The following CPEB3 variants were observed in gnomAD, a reference collection of about 807,000 sequenced individuals.
CPEB3 encodes the protein cytoplasmic polyadenylation element-binding protein 3.
Under a neutral mutation model 67.2 loss-of-function variants are expected in CPEB3, and 20 were observed. The ratio of observed to expected loss-of-function variants is 0.30; its 90% CI spans 0.21 to 0.43. CPEB3 has a LOEUF of 0.43. Among genes scored for constraint, CPEB3 ranks in the 20% least tolerant of loss-of-function variants. The pLI, the probability that CPEB3 is intolerant of heterozygous loss-of-function variation, is 1.00. For synonymous variants in CPEB3, 376 were observed against 393.1 expected, an observed-to-expected ratio of 0.96 and a Z score of 0.51; for missense variants, 746 against 968.6, an observed-to-expected ratio of 0.77 and a Z score of 3.05.
At position 92,052,088 on chromosome 10, in the gene CPEB3, ATTC is replaced by A. The variant is rs1291679335; in HGVS notation, c.*121_*123del. 11 of 622,098 alleles carry A rather than the reference ATTC, an allele frequency of 1.8e-5. No individual in the cohort carries two copies. The highest frequency in any genetic ancestry group is 3.1e-5 in the Non-Finnish European group (11 of 350,646). 38.5% of individuals were successfully genotyped at this position (622,098 alleles called of 1,614,324 possible). Reference sequence around the variant, plus strand: ...ATAATAATAATAATAAAAAGACCCAATTCTTCTTTAAAAATCGAGAACGAATGC... The same window carrying A: ...ATAATAATAATAATAAAAAGACCCAATTCTTTAAAAATCGAGAACGAATGC... On this transcript the variant is annotated 3_prime_UTR_variant, in exon 10 of 10. Transcript: ENST00000265997.
intron 9 of CPEB3, among the ~76,000 whole-genome samples, chr10:92,055,514 C>G (rs935673750): frequency 6.6e-6 from 1 of 152,088 alleles, no homozygotes; most frequent in African/African-American, 2.4e-5. Flanking sequence ...GGAGACATTA[C>G]GAACATTCTT....
At chr10:92,212,258 C>A (rs1225931170) in intron 2 of CPEB3, among the ~76,000 whole-genome samples, 2 of 146,882 alleles carry the variant, frequency 1.4e-5, no homozygotes, top group East Asian at 4.0e-4. Flanking sequence ...GTTGCCCAGG[C>A]AACAAGACAG....
intron 2 of CPEB3, among the ~76,000 whole-genome samples, chr10:92,211,928 G>A (rs1434621007): frequency 6.6e-6 from 1 of 150,506 alleles, no homozygotes; most frequent in African/African-American, 2.5e-5. Context: ...GTGCAGTGGT[G>A]CCATCTCGAC....
Position 92,239,529 on chromosome 10 carries a change from C to T in CPEB3, c.822G>A (p.Val274=). 1 of 1,562,724 alleles carries T rather than the reference C, an allele frequency of 6.4e-7. No homozygotes were observed. The highest frequency in any genetic ancestry group is 1.3e-5 in the African/African-American group (1 of 74,146). The change falls in exon 2 of 10, where the codon GTG becomes GTA. Residue 274 remains valine, a synonymous_variant. Coordinates refer to ENST00000265997, the MANE Select transcript of CPEB3 (RefSeq NM_014912.5). This position sits in a 1 kb window ranked among gnomAD's most constrained non-coding sequence, Gnocchi z 6.0. ...AGRDPRRAVG[V]GVGVGVGVPS... ...GCACCCCGACACCCACACCCACGCCCACACCGACCGCCCGGCGAGGGTCCC... is the reference window on the plus strand; with the variant it reads ...GCACCCCGACACCCACACCCACGCCTACACCGACCGCCCGGCGAGGGTCCC...
Position 92,159,667 on chromosome 10 carries a change from G to A in CPEB3, c.1223-14582C>T, listed in dbSNP as rs529483403. Among the ~76,000 whole-genome samples, 37 of 151,848 alleles carry A rather than the reference G, an allele frequency of 2.4e-4. No individual in the cohort carries two copies. In the South Asian group the frequency reaches 7.1e-3, roughly 29 times the overall value. On this transcript the variant is annotated intron_variant, in intron 4 of 9. Transcript: ENST00000265997. ...AGCCTGGGTGACAGAGCGAGACTCC[G>A]TCTCAAAAAAAAACAGAAAACAAAA... is the stretch of plus-strand genomic sequence containing the variant.
chr10:92,155,170 C>T (rs1847148087), intron 4 of CPEB3, among the ~76,000 whole-genome samples: 1 of 152,176 alleles, frequency 6.6e-6, no homozygotes, highest in Non-Finnish European at 1.5e-5. Context: ...GATTATGCCA[C>T]TGTACTCCAG....
chr10:92,184,212 A>G (rs1359345746), intron 3 of CPEB3, among the ~76,000 whole-genome samples: 1 of 152,218 alleles, frequency 6.6e-6, no homozygotes, highest in African/African-American at 2.4e-5. Flanking sequence ...AATTGGTGAA[A>G]AGCAGAACAC....
At chr10:92,280,950 G>C (rs373728287) in intron 1 of CPEB3, among the ~76,000 whole-genome samples, 91 of 150,806 alleles carry the variant, frequency 6.0e-4, no homozygotes, top group African/African-American at 2.1e-3. Flanking sequence ...AGTAGAGACA[G>C]GGTTTCACCA....
intron 1 of CPEB3, among the ~76,000 whole-genome samples, chr10:92,278,029 A>C (rs536807842): frequency 8.6e-4 from 130 of 150,892 alleles, no homozygotes; most frequent in South Asian, 1.7e-3. Flanking sequence ...CTAAAAATAC[A>C]AAAAAAATTA....
At chr10:92,080,076 G>A (rs866947436) in intron 9 of CPEB3, among the ~76,000 whole-genome samples, 12 of 151,748 alleles carry the variant, frequency 7.9e-5, no homozygotes, top group East Asian at 3.9e-4. Context: ...GCATCATGGC[G>A]GGCGTCTGTA....
chr10:92,250,859 T>G (rs148762794), intron 1 of CPEB3, among the ~76,000 whole-genome samples: 1,574 of 56,246 alleles, frequency 0.028, 27 homozygotes, highest in Middle Eastern at 0.056. Context: ...ACACAGTTAA[T>G]TTTTTTTTTT....
intron 7 of CPEB3, among the ~76,000 whole-genome samples, chr10:92,097,289 T>C (rs530191454): frequency 4.6e-5 from 7 of 152,220 alleles, no homozygotes; most frequent in Non-Finnish European, 1.0e-4. Flanking sequence ...TAAATAAAAT[T>C]ATCTGCGGAC....
At chr10:92,224,905 A>G (rs1239283345) in intron 2 of CPEB3, among the ~76,000 whole-genome samples, 1 of 147,676 alleles carries the variant, frequency 6.8e-6, no homozygotes, top group Non-Finnish European at 1.5e-5. Flanking sequence ...AAATATATAT[A>G]TTTTATATAT....
rs919535777 is a variant in CPEB3, at chr10:92,239,686, G to A, written c.665C>T (p.Ser222Leu). ...HQPIMTSKPS[S>L]SSAVAAAAAA... The stretch of plus-strand genomic sequence containing the variant: ...AGCAGCGGCTGCAACCGCCGAAGAC[G>A]AGGACGGCTTGCTGGTCATGATGGG... Residue 222 changes from serine (S) to leucine (L), a missense_variant, in exon 2 of 10, where the codon TCG becomes TTG. By Grantham distance (145) the Ser-to-Leu change is moderately radical. Around this residue, in one of 2 missense-constraint regions of CPEB3, gnomAD observed 643 missense variants for 717.5 expected, o/e 0.90. Transcript: ENST00000265997. This position sits in a 1 kb window ranked among gnomAD's most constrained non-coding sequence, Gnocchi z 6.0. 2 of 1,570,606 alleles carry A rather than the reference G, an allele frequency of 1.3e-6. No individual in the cohort carries two copies. The highest frequency in any genetic ancestry group is 1.2e-5 in the South Asian group (1 of 85,614).
At chr10:92,095,518 C>T (rs1222562034) in intron 7 of CPEB3, among the ~76,000 whole-genome samples, 1 of 150,656 alleles carries the variant, frequency 6.6e-6, no homozygotes, top group Non-Finnish European at 1.5e-5. Flanking sequence ...GACCTCAGGT[C>T]CTGATATCCA....
At chr10:92,122,040 G>A (rs1334480098) in intron 6 of CPEB3, among the ~76,000 whole-genome samples, 2 of 152,132 alleles carry the variant, frequency 1.3e-5, no homozygotes, top group Non-Finnish European at 2.9e-5. Flanking sequence ...GGAGATGCCA[G>A]GTATGATGCT....
chr10:92,070,853 TA>T (rs56263574), intron 9 of CPEB3, among the ~76,000 whole-genome samples: 100,317 of 144,586 alleles, frequency 0.69, 34,421 homozygotes, highest in East Asian at 0.77. Context: ...GTGACAGGTT[TA>T]AAAAAAAAAA....
intron 3 of CPEB3, among the ~76,000 whole-genome samples, chr10:92,191,566 A>G (rs563790627): frequency 6.6e-6 from 1 of 152,136 alleles, no homozygotes; most frequent in Middle Eastern, 3.2e-3. Context: ...TGAGGAAATG[A>G]GCATCAGGTG....
Position 92,208,802 on chromosome 10 carries a change from C to T in CPEB3, c.1006-16166G>A, listed in dbSNP as rs550182004. On this transcript the variant is annotated intron_variant, in intron 2 of 9. Coordinates refer to ENST00000265997, the MANE Select transcript of CPEB3 (RefSeq NM_014912.5). The stretch of plus-strand genomic sequence containing the variant: ...TAGAGACGGGGTTTCACCACGTTGG[C>T]CAGGCTGGTCTCGAACTCCTGACCC... Among the ~76,000 whole-genome samples, 16 of 152,120 alleles carry T rather than the reference C, an allele frequency of 1.1e-4. No homozygotes were observed. The South Asian group carries it at 3.3e-3, about 32-fold the overall frequency.
Sources: gnomAD v4.1 joint callset for allele counts (sites outside exome capture counted in the v4.1 genomes callset) on GRCh38, gnomAD v4.1.1 for gene constraint, gnomAD v4.1.1 regional missense constraint, Gnocchi (gnomAD v3.1) non-coding constraint, MANE v1.5 for transcripts, NCBI Gene and HGNC (gene_info 2026-07-23, HGNC 2026-07-21) for gene names.